Variants in VGLL4 observed in about 807,000 individuals in gnomAD.
The protein encoded by VGLL4 is vestigial like family member 4.
Under a neutral mutation model 21.0 loss-of-function variants are expected in VGLL4, and 7 were observed. The observed-to-expected ratio is 0.33, with a 90% CI of 0.19 to 0.63. VGLL4 has a LOEUF of 0.63. Ranked by LOEUF, VGLL4 falls within the 20% of genes least tolerant of loss-of-function variation. The pLI, the probability that VGLL4 is intolerant of heterozygous loss-of-function variation, is 0.78. For missense variants in VGLL4, 394 were observed against 425.7 expected (o/e 0.93, Z 0.66); for synonymous variants, 222 against 173.2 (o/e 1.28, Z -2.21).
chr3:11,566,229 C>T (rs2073501416), intron 2 of VGLL4, among the ~76,000 whole-genome samples: 1 of 151,774 alleles, frequency 6.6e-6, no homozygotes, highest in Non-Finnish European at 1.5e-5. Flanking sequence ...CACACGCACA[C>T]CACACACACA....
chr3:11,652,668 A>T (rs2075893378), intron 2 of VGLL4, among the ~76,000 whole-genome samples: 1 of 152,178 alleles, frequency 6.6e-6, no homozygotes, highest in African/African-American at 2.4e-5. Flanking sequence ...TGATCCGCCC[A>T]TCTCAGCCTC....
chr3:11,679,413 G>C (rs569857046), intron 2 of VGLL4, among the ~76,000 whole-genome samples: 1 of 152,054 alleles, frequency 6.6e-6, no homozygotes, highest in Non-Finnish European at 1.5e-5. Flanking sequence ...AGCTGGGCGC[G>C]GTAGCTCACG....
intron 1 of VGLL4, among the ~76,000 whole-genome samples, chr3:11,623,282 T>C (rs2075298247): frequency 6.6e-6 from 1 of 152,118 alleles, no homozygotes; most frequent in African/African-American, 2.4e-5. Context: ...GAGTGAAAAT[T>C]AGGTGTTGTA....
At chr3:11,700,422 G>C (rs997243843) in intron 2 of VGLL4, among the ~76,000 whole-genome samples, 10 of 152,136 alleles carry the variant, frequency 6.6e-5, no homozygotes, top group African/African-American at 2.4e-4. Flanking sequence ...GCTCAACAAA[G>C]TCTGCAAATA....
At chr3:11,617,664 G>C (rs1057138377) in intron 1 of VGLL4, among the ~76,000 whole-genome samples, 1 of 152,176 alleles carries the variant, frequency 6.6e-6, no homozygotes, top group Non-Finnish European at 1.5e-5. Flanking sequence ...GCCACCCTCA[G>C]CTTCTTCCTA....
intron 1 of VGLL4, among the ~76,000 whole-genome samples, chr3:11,626,963 T>TG (rs1464043896): frequency 4.0e-5 from 1 of 24,862 alleles, no homozygotes; most frequent in Non-Finnish European, 7.8e-5. Flanking sequence ...GGGGTGGGGG[T>TG]GGGGGGCAGT....
chr3:11,574,290 A>G (rs1236915754), intron 2 of VGLL4, among the ~76,000 whole-genome samples: 1 of 152,136 alleles, frequency 6.6e-6, no homozygotes, highest in Non-Finnish European at 1.5e-5. Context: ...TGATCAACCT[A>G]AAAGTTTTTA....
intron 2 of VGLL4, among the ~76,000 whole-genome samples, chr3:11,669,118 G>A (rs767124337): frequency 8.5e-5 from 13 of 152,214 alleles, no homozygotes; most frequent in Non-Finnish European, 1.5e-4. Context: ...CCTTGTATAC[G>A]TGGCACCTAG....
At chr3:11,604,822 A>G (rs562998469) in intron 1 of VGLL4, among the ~76,000 whole-genome samples, 1 of 143,936 alleles carries the variant, frequency 6.9e-6, no homozygotes, top group South Asian at 2.5e-4. Context: ...TTACAAAGAA[A>G]TTGCTACTTG....
chr3:11,705,826 C>T (rs137931165), intron 1 of VGLL4, among the ~76,000 whole-genome samples: 4,606 of 151,696 alleles, frequency 0.03, 237 homozygotes, highest in East Asian at 0.18. Context: ...GAGGCTGAGG[C>T]AGGAGAATGG....
chr3:11,575,624 G>A (rs1286897089), intron 2 of VGLL4, among the ~76,000 whole-genome samples: 1 of 152,224 alleles, frequency 6.6e-6, no homozygotes, highest in African/African-American at 2.4e-5. Flanking sequence ...CTTAAAGAAA[G>A]ATCCCAGACA....
intron 2 of VGLL4, among the ~76,000 whole-genome samples, chr3:11,575,051 A>G (rs1309192255): frequency 6.6e-6 from 1 of 152,138 alleles, no homozygotes; most frequent in Admixed American, 6.5e-5. Flanking sequence ...CTCTTCTTCA[A>G]CGCTCGTGCC....
In VGLL4 at chr3:11,637,217, T is replaced by TA. The variant is rs1262730985; in HGVS notation, c.82+6219dup. 3.9e-5 allele frequency among the ~76,000 whole-genome samples: 6 copies of TA among 152,244 alleles called. 1 individual carries two copies. Among genetic ancestry groups the TA allele is most frequent in the Admixed American group, 2.6e-4 (4 of 15,284 alleles). ...GATTTACTATTTCTTGACCTGGCCA[T>TA]AGTCACCGGGTTGTTCATTTCTCTA... On this transcript the variant is annotated intron_variant, in intron 1 of 4. Coordinates refer to ENST00000430365, the MANE Select transcript of VGLL4 (RefSeq NM_001128219.3).
At chr3:11,645,915 T>G (rs1052857209), upstream of VGLL4, among the ~76,000 whole-genome samples, 3 of 152,086 alleles carry the variant, frequency 2.0e-5, no homozygotes, top group Non-Finnish European at 2.9e-5. Flanking sequence ...GAGGCTGCAG[T>G]GAGCCAAGAT....
intron 1 of VGLL4, among the ~76,000 whole-genome samples, chr3:11,629,711 G>A (rs1239964830): frequency 7.1e-6 from 1 of 141,450 alleles, no homozygotes; most frequent in Admixed American, 7.6e-5. Flanking sequence ...TGAGATCGCT[G>A]CACTCCAGCC....
At position 11,639,213 on chromosome 3, in the gene VGLL4, G is replaced by A. The variant is rs60863078; in HGVS notation, c.82+4224C>T. ...GCCCCAGGGATGATGTCAGTGCAGCGACAGCGATCTTGAGGAAAGCCCGTG... is the reference window on the plus strand; with the variant it reads ...GCCCCAGGGATGATGTCAGTGCAGCAACAGCGATCTTGAGGAAAGCCCGTG... On this transcript the variant is annotated intron_variant, in intron 1 of 4. Transcript: ENST00000430365. Among the ~76,000 whole-genome samples, 489 of 152,320 alleles carry A rather than the reference G, an allele frequency of 3.2e-3. 3 individuals carry two copies. Among genetic ancestry groups the A allele is most frequent in the African/African-American group, 0.011 (459 of 41,572 alleles).
intron 2 of VGLL4, among the ~76,000 whole-genome samples, chr3:11,664,254 A>G (rs988161996): frequency 5.3e-5 from 8 of 152,188 alleles, no homozygotes; most frequent in African/African-American, 1.9e-4. Context: ...AGAAAAATAA[A>G]AAAGAAATGC....
intron 1 of VGLL4, among the ~76,000 whole-genome samples, chr3:11,639,596 G>C (rs1463143513): frequency 1.3e-5 from 2 of 152,268 alleles, no homozygotes; most frequent in Non-Finnish European, 2.9e-5. Context: ...AAATAAGCCC[G>C]GCGCGGTGGC....
intron 2 of VGLL4, among the ~76,000 whole-genome samples, chr3:11,594,396 C>T (rs1487902225): frequency 1.3e-5 from 2 of 152,212 alleles, no homozygotes. Flanking sequence ...TAAAGGGTCA[C>T]AATTATTGTG....
Sources: gnomAD v4.1 joint callset for allele counts (sites outside exome capture counted in the v4.1 genomes callset) on GRCh38, gnomAD v4.1.1 for gene constraint, MANE v1.5 for transcripts, NCBI Gene and HGNC (gene_info 2026-07-23, HGNC 2026-07-21) for gene names.